NINL: variants seen among roughly 807,000 people sequenced by gnomAD.
The protein encoded by NINL is ninein-like protein.
Under a neutral mutation model 160.3 loss-of-function variants are expected in NINL, and 153 were observed. That is an observed-to-expected ratio of 0.95 (90% CI 0.84 to 1.09). NINL has a LOEUF of 1.09. NINL is among the 50% of genes least tolerant of loss of function. The probability of loss-of-function intolerance (pLI) is 0.00; values close to 1 mark genes in which losing one functional copy is unlikely to be tolerated. For synonymous variants in NINL, 800 were observed against 734.8 expected (o/e 1.09, Z -1.43); for missense variants, 1,829 against 1,764.0 (o/e 1.04, Z -0.66).
chr20:25,566,686 T>TG (rs1308305935), intron 1 of NINL, among the ~76,000 whole-genome samples: 3 of 152,146 alleles, frequency 2.0e-5, no homozygotes. Context: ...CCCAGTGCTT[T>TG]GGGAGGCCAA....
chr20:25,533,418 T>C (rs2064501877), intron 1 of NINL, among the ~76,000 whole-genome samples: 1 of 152,060 alleles, frequency 6.6e-6, no homozygotes. Flanking sequence ...TCCTGGACAC[T>C]GACATGTTAC....
chr20:25,510,081 G>A (rs2064039348), intron 5 of NINL, among the ~76,000 whole-genome samples: 1 of 152,226 alleles, frequency 6.6e-6, no homozygotes, highest in African/African-American at 2.4e-5. Context: ...CAGCATGGAT[G>A]GTCAGCCTCC....
intron 3 of NINL, among the ~76,000 whole-genome samples, chr20:25,514,501 G>A (rs562815644): frequency 2.0e-5 from 3 of 152,350 alleles, no homozygotes; most frequent in African/African-American, 7.2e-5. Flanking sequence ...ATGTGGTAGA[G>A]AAGAAAAATC....
At chr20:25,561,707 C>T (rs569202499) in intron 1 of NINL, among the ~76,000 whole-genome samples, 27 of 146,262 alleles carry the variant, frequency 1.8e-4, no homozygotes, top group East Asian at 8.3e-4. Context: ...ATGTGAGGAG[C>T]GCCTCGGCCC....
At chr20:25,541,937 G>A (rs923935754) in intron 1 of NINL, among the ~76,000 whole-genome samples, 10 of 152,216 alleles carry the variant, frequency 6.6e-5, no homozygotes, top group African/African-American at 1.4e-4. Context: ...GGGGTCAGAC[G>A]TTCCCACAGA....
At chr20:25,515,167 G>A (rs934608084) in intron 3 of NINL, among the ~76,000 whole-genome samples, 1 of 152,252 alleles carries the variant, frequency 6.6e-6, no homozygotes, top group African/African-American at 2.4e-5. Context: ...AGCAACCACA[G>A]GGCCTGTATC....
chr20:25,498,927 A>G (rs2146767987), intron 8 of NINL: 1 of 985,456 alleles, frequency 1.0e-6, no homozygotes, highest in African/African-American at 1.7e-5. Flanking sequence ...CTGAAACAAC[A>G]AAAAATAGAG....
chr20:25,455,200 C>A (rs1156737471), intron 23 of NINL, among the ~76,000 whole-genome samples: 1 of 152,226 alleles, frequency 6.6e-6, no homozygotes, highest in Non-Finnish European at 1.5e-5. Flanking sequence ...GGTCACTGGG[C>A]ATCTGACCAA....
At chr20:25,561,316 G>C (rs2064934420) in intron 1 of NINL, among the ~76,000 whole-genome samples, 1 of 152,344 alleles carries the variant, frequency 6.6e-6, no homozygotes, top group Middle Eastern at 3.4e-3. Context: ...CGGGATTGCA[G>C]ACGGAGTCTC....
Position 25,489,277 on chromosome 20 carries a change from T to G in NINL, c.1644A>C (p.Ala548=), listed in dbSNP as rs1205936844. 6.2e-7 allele frequency: 1 copy of G among 1,614,004 alleles called. No individual in the cohort carries two copies. The highest frequency in any genetic ancestry group is 1.3e-5 in the African/African-American group (1 of 74,922). The change falls in exon 13 of 24, where the codon GCA becomes GCC. Residue 548 remains alanine (A), a synonymous_variant. Coordinates refer to ENST00000278886, the MANE Select transcript of NINL (RefSeq NM_025176.6). ...AELLAQEERF[A]AVLKEYELKC... is the part of the protein sequence containing the mutation. ...TGAGCTCGTATTCCTTCAGGACTGC[T>G]GCGAACCGCTCCTCCTGGGCCAGGA...
Position 25,554,442 on chromosome 20 carries a change from C to A in NINL, c.-11-27844G>T, listed in dbSNP as rs554301857. 7.2e-5 allele frequency among the ~76,000 whole-genome samples: 11 copies of A among 152,150 alleles called. 1 individual carries two copies. The South Asian group carries it at 2.3e-3, about 32-fold the overall frequency. Reference sequence around the variant, plus strand: ...AGAGAACACAGTGCATCTCAGACAACAGAATGGCAATCTGCATACTGGAGT... The same window carrying A: ...AGAGAACACAGTGCATCTCAGACAAAAGAATGGCAATCTGCATACTGGAGT... On this transcript the variant is annotated intron_variant, in intron 1 of 23. Transcript: ENST00000278886.
chr20:25,468,385 C>A (rs1382126175), intron 18 of NINL, among the ~76,000 whole-genome samples: 1 of 151,542 alleles, frequency 6.6e-6, no homozygotes, highest in African/African-American at 2.4e-5. Flanking sequence ...GGCCTCCCTG[C>A]TCTGTCCCCC....
At chr20:25,464,414 C>T (rs1487504417) in intron 19 of NINL, among the ~76,000 whole-genome samples, 2 of 145,112 alleles carry the variant, frequency 1.4e-5, no homozygotes, top group African/African-American at 5.2e-5. Flanking sequence ...AAGACTCCAT[C>T]TCAAAACAAA....
intron 21 of NINL, among the ~76,000 whole-genome samples, chr20:25,460,192 C>T (rs113005220): frequency 0.022 from 3,319 of 152,280 alleles, 112 homozygotes; most frequent in African/African-American, 0.075. Context: ...CACATGGAAA[C>T]GGCAACCACA....
chr20:25,458,291 A>C (rs2090742380), intron 22 of NINL, 92 bp downstream of exon 22: 14 of 1,500,346 alleles, frequency 9.3e-6, no homozygotes, highest in Non-Finnish European at 1.3e-5. Context: ...ATGTATTCAC[A>C]GTTGTGCAGC....
chr20:25,480,142 A>T lies in NINL; in HGVS notation c.1917+19T>A. 1 of 1,587,536 alleles carries T rather than the reference A, an allele frequency of 6.3e-7. No homozygotes were observed. The highest frequency in any genetic ancestry group is 8.7e-7 in the Non-Finnish European group (1 of 1,156,038). ...AGCAGCTACTCCCCCAGGGCCCCAC[A>T]GCCCCATAATCCCCTCACCTTGGTC... is the stretch of plus-strand genomic sequence containing the variant. On this transcript the variant is annotated intron_variant, in intron 15 of 23. Coordinates refer to ENST00000278886, the MANE Select transcript of NINL (RefSeq NM_025176.6).
chr20:25,487,872 G>A (rs2063535382), intron 13 of NINL, among the ~76,000 whole-genome samples: 1 of 152,194 alleles, frequency 6.6e-6, no homozygotes, highest in African/African-American at 2.4e-5. Flanking sequence ...TCTGCAAGGC[G>A]GCCTTCAAGG....
intron 23 of NINL, among the ~76,000 whole-genome samples, chr20:25,455,120 T>A (rs181746607): frequency 8.4e-4 from 128 of 152,108 alleles, no homozygotes; most frequent in Admixed American, 3.7e-3. Context: ...GATGTGTGCA[T>A]CTCCCACCCA....
chr20:25,460,655 G>GCT (rs1435456652), intron 21 of NINL, among the ~76,000 whole-genome samples: 1 of 152,196 alleles, frequency 6.6e-6, no homozygotes, highest in African/African-American at 2.4e-5. Flanking sequence ...AAGGCCAAGA[G>GCT]CCTATGGGAG....
Sources: allele counts gnomAD v4.1 joint callset (sites outside exome capture counted in the v4.1 genomes callset), GRCh38; gene constraint gnomAD v4.1.1; transcripts MANE v1.5; gene names NCBI Gene and HGNC (gene_info 2026-07-23, HGNC 2026-07-21).